Variants in MYO9A observed in about 807,000 individuals in gnomAD.
MYO9A encodes the protein myosin IXA.
MYO9A carries 103 observed loss-of-function variants against 293.3 expected under a neutral mutation model. That is an observed-to-expected ratio of 0.35 (90% CI 0.30 to 0.41). MYO9A has a LOEUF of 0.41. Ranked by LOEUF, MYO9A falls within the 10% of genes least tolerant of loss-of-function variation. MYO9A has a pLI of 1.00. For synonymous variants in MYO9A, 1,001 were observed against 1,035.7 expected, an observed-to-expected ratio of 0.97 and a Z score of 0.64; for missense variants, 2,685 against 3,033.0, an observed-to-expected ratio of 0.89 and a Z score of 2.69.
chr15:71,983,348 T>G (rs1423506630), intron 11 of MYO9A, among the ~76,000 whole-genome samples: 2 of 152,020 alleles, frequency 1.3e-5, no homozygotes, highest in African/African-American at 4.8e-5. Context: ...TCTCTGTAAC[T>G]TAGCATTTAA....
chr15:71,843,310 TCTCAG>T (rs1277670596), intron 39 of MYO9A, among the ~76,000 whole-genome samples: 3 of 152,020 alleles, frequency 2.0e-5, no homozygotes, highest in Non-Finnish European at 2.9e-5. Flanking sequence ...GCACCTATAA[TCTCAG>T]CTACTTGGAA....
chr15:71,936,289 G>C (rs1020202696), intron 16 of MYO9A, among the ~76,000 whole-genome samples: 4 of 152,144 alleles, frequency 2.6e-5, no homozygotes, highest in Non-Finnish European at 4.4e-5. Context: ...GTACTGAATA[G>C]AGCAGTGATT....
At chr15:71,987,783 T>C (rs977381306) in intron 11 of MYO9A, among the ~76,000 whole-genome samples, 7 of 152,186 alleles carry the variant, frequency 4.6e-5, no homozygotes, top group African/African-American at 1.7e-4. Context: ...CCTTAACTTA[T>C]TTTATACTCA....
chr15:72,108,316 A>G (rs1200190035), intron 1 of MYO9A, among the ~76,000 whole-genome samples: 2 of 152,242 alleles, frequency 1.3e-5, no homozygotes, highest in Admixed American at 1.3e-4. Context: ...CATCACCTAC[A>G]GAGTGTTCTT....
intron 2 of MYO9A, among the ~76,000 whole-genome samples, chr15:72,042,004 A>G (rs1188197314): frequency 6.7e-6 from 1 of 148,920 alleles, no homozygotes; most frequent in Admixed American, 6.7e-5. Context: ...AATGAATTCC[A>G]ACACTGACAG....
At chr15:72,019,323 C>T (rs902329545) in intron 5 of MYO9A, among the ~76,000 whole-genome samples, 11 of 152,172 alleles carry the variant, frequency 7.2e-5, no homozygotes, top group African/African-American at 2.7e-4. Flanking sequence ...TTTATATAAA[C>T]TGAGTCCCAT....
In MYO9A at chr15:71,898,695, C is replaced by T. The variant is rs1235194522; in HGVS notation, c.3808G>A (p.Ala1270Thr). 17 of 1,613,842 alleles carry T rather than the reference C, an allele frequency of 1.1e-5. No individual in the cohort carries two copies. The highest frequency in any genetic ancestry group is 5.0e-5 in the Admixed American group (3 of 59,972). Residue 1270 changes from alanine (A) to threonine (T), a missense_variant, in exon 25 of 42, where the codon GCT (alanine) becomes ACT (threonine). By Grantham distance (58) the Ala-to-Thr change is moderately conservative (BLOSUM62 0). Around this residue, in one of 10 missense-constraint regions of MYO9A, gnomAD observed 1,434 missense variants for 1,497.7 expected, o/e 0.96. Transcript: ENST00000356056. ...CTCATTCTCCTACTTTCTCTCTTAG[C>T]CCGGCCTACTTTTTTCTGATGGAGA... ...EDLHQKKVGR[A>T]KRESRRMREL... is the part of the protein sequence containing the mutation.
intron 2 of MYO9A, among the ~76,000 whole-genome samples, chr15:72,040,552 T>C (rs1206753621): frequency 1.3e-5 from 2 of 152,338 alleles, no homozygotes; most frequent in African/African-American, 4.8e-5. Context: ...CACCCTTCTA[T>C]GTGTCTGCGA....
chr15:72,094,083 A>G (rs999026334), intron 1 of MYO9A, among the ~76,000 whole-genome samples: 1 of 90,470 alleles, frequency 1.1e-5, no homozygotes, highest in African/African-American at 2.6e-5. Context: ...GGTGGCTCGT[A>G]GCTATAATCC....
chr15:71,940,350 C>T (rs1482032144), intron 15 of MYO9A, among the ~76,000 whole-genome samples: 1 of 151,974 alleles, frequency 6.6e-6, no homozygotes, highest in Non-Finnish European at 1.5e-5. Context: ...CAAAAATTAG[C>T]TGAGTGTAGT....
chr15:72,078,874 C>T (rs1458430359), intron 1 of MYO9A, among the ~76,000 whole-genome samples: 6 of 152,112 alleles, frequency 3.9e-5, no homozygotes, highest in Admixed American at 3.9e-4. Flanking sequence ...ATCCAAAAAG[C>T]CTATGTACTG....
At chr15:72,066,283 T>C (rs1457242279) in intron 1 of MYO9A, among the ~76,000 whole-genome samples, 1 of 151,856 alleles carries the variant, frequency 6.6e-6, no homozygotes, top group Non-Finnish European at 1.5e-5. Context: ...GGTCAAGAGA[T>C]CAAGACCATC....
intron 1 of MYO9A, among the ~76,000 whole-genome samples, chr15:72,106,750 G>A (rs2151034638): frequency 6.6e-6 from 1 of 152,238 alleles, no homozygotes; most frequent in African/African-American, 2.4e-5. Flanking sequence ...ACAGGCGTGA[G>A]CCATAGCACC....
intron 11 of MYO9A, among the ~76,000 whole-genome samples, chr15:71,985,215 C>T (rs1290293465): frequency 6.6e-6 from 1 of 152,124 alleles, no homozygotes; most frequent in Non-Finnish European, 1.5e-5. Flanking sequence ...CCACCATGCC[C>T]GGCCACATTT....
intron 11 of MYO9A, among the ~76,000 whole-genome samples, chr15:71,982,005 ATTTTTTTTTTTTTT>A (rs750930471): frequency 2.3e-4 from 13 of 56,314 alleles, no homozygotes; most frequent in African/African-American, 6.1e-4. Flanking sequence ...CCTATTTAGA[ATTTTTTTTTTTTTT>A]TTTTTTTTTT....
intron 34 of MYO9A, among the ~76,000 whole-genome samples, chr15:71,859,203 A>C (rs1328057358): frequency 1.3e-5 from 2 of 152,252 alleles, no homozygotes; most frequent in African/African-American, 2.4e-5. Flanking sequence ...GAATAAGAAA[A>C]TGTTGTGATC....
At chr15:72,018,268 G>A (rs2077399866) in intron 6 of MYO9A, among the ~76,000 whole-genome samples, 2 of 151,940 alleles carry the variant, frequency 1.3e-5, no homozygotes, top group South Asian at 4.2e-4. Flanking sequence ...ATGAGTTCAA[G>A]ACCAGCCTGG....
intron 18 of MYO9A, among the ~76,000 whole-genome samples, chr15:71,928,101 C>T (rs1257130889): frequency 3.1e-5 from 2 of 63,532 alleles, no homozygotes; most frequent in African/African-American, 1.1e-4. Flanking sequence ...GGCGGAGTCT[C>T]GCTCTGTCGC....
chr15:71,960,037 G>C lies in MYO9A; in HGVS notation c.2046C>G (p.Ser682Arg), dbSNP rs749740567. Residue 682 changes from serine to arginine, a missense_variant, in exon 14 of 42, where the codon AGC (serine) becomes AGG (arginine). Coordinates refer to ENST00000356056, the MANE Select transcript of MYO9A (RefSeq NM_006901.4). ...MRPDIVALLR[S>R]SKNAFISGMI... is the part of the protein sequence containing the mutation. ...TCCCAGAGATAAATGCATTCTTGCT[G>C]CTTCTCAGAAGAGCTACAATGTCTG... is the stretch of plus-strand genomic sequence containing the variant. The C allele has an allele frequency of 3.1e-6, 5 of 1,613,984 alleles. No individual in the cohort carries two copies. The East Asian group carries it at 1.1e-4, about 36-fold the overall frequency.
Sources: gnomAD v4.1 joint callset for allele counts (sites outside exome capture counted in the v4.1 genomes callset) on GRCh38, gnomAD v4.1.1 for gene constraint, gnomAD v4.1.1 regional missense constraint, MANE v1.5 for transcripts, NCBI Gene and HGNC (gene_info 2026-07-23, HGNC 2026-07-21) for gene names.